RAD51B: variants seen among roughly 807,000 people sequenced by gnomAD.
The protein encoded by RAD51B is DNA repair protein RAD51 homolog 2.
A neutral mutation model predicts 42.2 loss-of-function variants in RAD51B; 38 were observed. That is an observed-to-expected ratio of 0.90 (90% CI 0.70 to 1.18). The LOEUF (loss-of-function observed/expected upper bound fraction) is 1.18, where lower values mean the gene tolerates loss of function less well. Ranked by LOEUF, RAD51B falls within the 50% of genes most tolerant of loss-of-function variation. RAD51B has a pLI of 0.00. For synonymous variants in RAD51B, 154 were observed against 145.2 expected (o/e 1.06, Z -0.43); for missense variants, 373 against 400.7 (o/e 0.93, Z 0.59).
intron 7 of RAD51B, among the ~76,000 whole-genome samples, chr14:67,958,036 C>T (rs372049050): frequency 6.6e-6 from 1 of 152,170 alleles, no homozygotes; most frequent in Non-Finnish European, 1.5e-5. Context: ...AAATCTCTCA[C>T]ATTTTGTAAA....
intron 4 of RAD51B, among the ~76,000 whole-genome samples, chr14:67,860,240 A>G (rs754069471): frequency 1.3e-5 from 2 of 152,252 alleles, no homozygotes; most frequent in African/African-American, 2.4e-5. Flanking sequence ...TATTTGAAGT[A>G]CAGATGTTTC....
intron 9 of RAD51B, among the ~76,000 whole-genome samples, chr14:68,448,863 G>A (rs952326944): frequency 6.6e-6 from 1 of 151,290 alleles, no homozygotes; most frequent in Non-Finnish European, 1.5e-5. Flanking sequence ...TTCTGAAATG[G>A]AAAACAAAAA....
At chr14:68,464,725 A>G (rs1000768154) in intron 9 of RAD51B, among the ~76,000 whole-genome samples, 3 of 152,174 alleles carry the variant, frequency 2.0e-5, no homozygotes, top group African/African-American at 7.2e-5. Context: ...GAAATCAGAT[A>G]TTTTTTATTG....
At position 68,411,529 on chromosome 14, in the gene RAD51B, TG is replaced by T; in HGVS notation, c.957+5del. The stretch of plus-strand genomic sequence containing the variant: ...TACCTTGATTCAGAGAGAAGACAGG[TG>T]GGTGCTTTGACAGTATTCTCTGACT... On this transcript the variant is annotated splice_donor_region_variant and intron_variant, in intron 9 of 10. Transcript: ENST00000471583. 6.2e-7 allele frequency: 1 copy of T among 1,612,752 alleles called. No homozygotes were observed. The highest frequency in any genetic ancestry group is 8.5e-7 in the Non-Finnish European group (1 of 1,178,908).
At chr14:67,865,554 T>G (rs2042311939) in intron 5 of RAD51B, among the ~76,000 whole-genome samples, 1 of 143,018 alleles carries the variant, frequency 7.0e-6, no homozygotes, top group South Asian at 2.3e-4. Context: ...TTTTTTTTTT[T>G]TTGAGATGGA....
intron 10 of RAD51B, among the ~76,000 whole-genome samples, chr14:68,629,942 C>A (rs978850168): frequency 6.6e-6 from 1 of 152,236 alleles, no homozygotes; most frequent in Admixed American, 6.5e-5. Flanking sequence ...CAGAGGCGAG[C>A]CTGGAGGCCA....
chr14:68,195,526 T>G (rs1272595278), intron 7 of RAD51B, among the ~76,000 whole-genome samples: 1 of 152,220 alleles, frequency 6.6e-6, no homozygotes, highest in Non-Finnish European at 1.5e-5. Context: ...ATACTTGTGT[T>G]GCTATGTATC....
chr14:68,323,109 C>T (rs1223578474), intron 8 of RAD51B, among the ~76,000 whole-genome samples: 1 of 152,138 alleles, frequency 6.6e-6, no homozygotes, highest in African/African-American at 2.4e-5. Context: ...CCAAGGAGAA[C>T]ACAGGGACAA....
At chr14:68,383,722 A>G (rs2083531226) in intron 8 of RAD51B, among the ~76,000 whole-genome samples, 1 of 151,878 alleles carries the variant, frequency 6.6e-6, no homozygotes, top group Non-Finnish European at 1.5e-5. Flanking sequence ...CTCAGCCCTC[A>G]GTGTTCAGGG....
chr14:68,246,340 T>C (rs1457738167), intron 7 of RAD51B, among the ~76,000 whole-genome samples: 3 of 151,924 alleles, frequency 2.0e-5, no homozygotes, highest in Non-Finnish European at 4.4e-5. Context: ...AGGATAGAAG[T>C]TCCAGTAGAC....
intron 7 of RAD51B, among the ~76,000 whole-genome samples, chr14:68,090,290 A>G (rs2077068707): frequency 6.6e-6 from 1 of 152,230 alleles, no homozygotes; most frequent in Non-Finnish European, 1.5e-5. Flanking sequence ...AAATAAAAAT[A>G]GGGATCTTTT....
At chr14:67,825,417 C>T in intron 2 of RAD51B, 47 bp from the exon 3 acceptor site, 1 of 1,357,622 alleles carries the variant, frequency 7.4e-7, no homozygotes, top group Non-Finnish European at 1.0e-6. Flanking sequence ...ACTCTAGTAT[C>T]TTTGTTACAC....
intron 7 of RAD51B, among the ~76,000 whole-genome samples, chr14:67,906,121 AT>A (rs1292250583): frequency 6.6e-6 from 1 of 152,066 alleles, no homozygotes; most frequent in Non-Finnish European, 1.5e-5. Context: ...GTTGAATTTT[AT>A]TGAAAGCCTT....
chr14:67,959,400 C>G (rs545429747), intron 7 of RAD51B, among the ~76,000 whole-genome samples: 39 of 152,232 alleles, frequency 2.6e-4, no homozygotes, highest in Non-Finnish European at 5.1e-4. Context: ...GCGCCCGCCA[C>G]CACGCCTGGC....
chr14:68,106,356 G>A (rs962599111), intron 7 of RAD51B, among the ~76,000 whole-genome samples: 2 of 151,712 alleles, frequency 1.3e-5, no homozygotes, highest in African/African-American at 4.8e-5. Context: ...AAAAAAATTA[G>A]AGTACTTTCT....
At chr14:68,441,741 C>A (rs4902588) in intron 9 of RAD51B, among the ~76,000 whole-genome samples, 2 of 152,178 alleles carry the variant, frequency 1.3e-5, no homozygotes, top group South Asian at 4.2e-4. Flanking sequence ...CACAGGTTCC[C>A]CTTCTATAAG....
chr14:68,497,313 C>T (rs1884601161), intron 10 of RAD51B: 13 of 1,266,378 alleles, frequency 1.0e-5, no homozygotes, highest in Non-Finnish European at 1.3e-5. Flanking sequence ...GAGGATGTAT[C>T]TCACAAGTAG....
chr14:68,558,101 C>A (rs1268226454), intron 10 of RAD51B, among the ~76,000 whole-genome samples: 1 of 152,244 alleles, frequency 6.6e-6, no homozygotes, highest in Non-Finnish European at 1.5e-5. Context: ...TCTCAGTCCC[C>A]ATTTCCAGGT....
At chr14:68,648,036 T>TATATATATATATACAC (rs375269798) in intron 10 of RAD51B, among the ~76,000 whole-genome samples, 25 of 114,008 alleles carry the variant, frequency 2.2e-4, no homozygotes, top group South Asian at 5.6e-4. Flanking sequence ...TATATATATA[T>TATATATATATATACAC]ACACACGTAT....
Sources: allele counts gnomAD v4.1 joint callset (sites outside exome capture counted in the v4.1 genomes callset), GRCh38; gene constraint gnomAD v4.1.1; transcripts MANE v1.5; gene names NCBI Gene and HGNC (gene_info 2026-07-23, HGNC 2026-07-21).